Variants in ADGRL3 observed in about 807,000 individuals in gnomAD.
ADGRL3 encodes the protein adhesion G protein-coupled receptor L3.
ADGRL3 carries 62 observed loss-of-function variants against 153.5 expected under a neutral mutation model. The observed-to-expected ratio is 0.40, with a 90% CI of 0.33 to 0.50. ADGRL3 has a LOEUF of 0.50. Ranked by LOEUF, ADGRL3 falls within the 20% of genes least tolerant of loss-of-function variation. The pLI is 0.47. For missense variants in ADGRL3, 1,641 were observed against 1,859.4 expected (o/e 0.88, Z 2.16); for synonymous variants, 710 against 672.5 (o/e 1.06, Z -0.86).
At chr4:61,501,625 A>C (rs1341527569) in intron 3 of ADGRL3, among the ~76,000 whole-genome samples, 1 of 152,194 alleles carries the variant, frequency 6.6e-6, no homozygotes, top group Non-Finnish European at 1.5e-5. Flanking sequence ...CTCACTATGT[A>C]GGAATGTTTA....
chr4:61,500,085 G>A (rs2098369829), intron 3 of ADGRL3, among the ~76,000 whole-genome samples: 1 of 147,430 alleles, frequency 6.8e-6, no homozygotes, highest in Non-Finnish European at 1.5e-5. Flanking sequence ...GTAATTCTTA[G>A]AAGTATTAAA....
At chr4:61,725,114 G>C (rs1381028137) in intron 6 of ADGRL3, among the ~76,000 whole-genome samples, 8 of 152,108 alleles carry the variant, frequency 5.3e-5, no homozygotes, top group Non-Finnish European at 1.2e-4. Context: ...ATTAAGCTCT[G>C]TTTATGTGTT....
At chr4:62,024,881 G>T (rs1370699844) in intron 21 of ADGRL3, among the ~76,000 whole-genome samples, 2 of 136,392 alleles carry the variant, frequency 1.5e-5, no homozygotes, top group East Asian at 4.4e-4. Context: ...AGTGAGCCGA[G>T]ATTGTGCCAT....
At chr4:61,962,594 C>G (rs1174262204) in intron 17 of ADGRL3, among the ~76,000 whole-genome samples, 1 of 151,850 alleles carries the variant, frequency 6.6e-6, no homozygotes, top group Non-Finnish European at 1.5e-5. Context: ...ATTTTTTTCC[C>G]TCATGATTAG....
chr4:62,030,966 A>C (rs1225870906), intron 22 of ADGRL3, among the ~76,000 whole-genome samples: 1 of 151,544 alleles, frequency 6.6e-6, no homozygotes, highest in Admixed American at 6.6e-5. Flanking sequence ...AATACGAGTT[A>C]TATTTTTGTC....
chr4:61,745,856 A>T (rs867008061), intron 8 of ADGRL3, among the ~76,000 whole-genome samples: 1 of 152,152 alleles, frequency 6.6e-6, no homozygotes, highest in African/African-American at 2.4e-5. Context: ...TTCACACATA[A>T]CAATATTAAC....
chr4:62,029,602 T>G (rs1720848487), intron 22 of ADGRL3, among the ~76,000 whole-genome samples: 1 of 151,652 alleles, frequency 6.6e-6, no homozygotes, highest in African/African-American at 2.4e-5. Flanking sequence ...TGGGCAACCT[T>G]GCTATAGACT....
At position 61,360,829 on chromosome 4, in the gene ADGRL3, A is replaced by G. The variant is rs376191349; in HGVS notation, c.-239-22295A>G. 3.3e-5 allele frequency among the ~76,000 whole-genome samples: 5 copies of G among 152,180 alleles called. No homozygotes were observed. In the East Asian group the frequency reaches 9.6e-4, roughly 29 times the overall value. On this transcript the variant is annotated intron_variant, in intron 1 of 26. Coordinates refer to ENST00000683033, the MANE Select transcript of ADGRL3 (RefSeq NM_001387552.1). Reference sequence around the variant, plus strand: ...AATAGCCTTCCCCTAAAGCATGACAATGTCATATAAACAACAGCAATAATA... The same window carrying G: ...AATAGCCTTCCCCTAAAGCATGACAGTGTCATATAAACAACAGCAATAATA...
intron 6 of ADGRL3, among the ~76,000 whole-genome samples, chr4:61,723,362 C>T (rs771605034): frequency 9.9e-5 from 15 of 152,176 alleles, no homozygotes; most frequent in South Asian, 4.2e-4. Context: ...ATTAATGACA[C>T]GGACACACGT....
chr4:61,405,848 G>A (rs192764815), intron 2 of ADGRL3, among the ~76,000 whole-genome samples: 68 of 151,924 alleles, frequency 4.5e-4, no homozygotes, highest in African/African-American at 1.5e-3. Context: ...GAAAAAGAAC[G>A]CATTTTCTTC....
At chr4:61,681,686 G>T (rs1427086776) in intron 6 of ADGRL3, among the ~76,000 whole-genome samples, 1 of 151,886 alleles carries the variant, frequency 6.6e-6, no homozygotes, top group Non-Finnish European at 1.5e-5. Flanking sequence ...AAAGAAAAAT[G>T]TATTACACGT....
At chr4:61,590,162 A>T (rs2098963640) in intron 5 of ADGRL3, among the ~76,000 whole-genome samples, 1 of 152,140 alleles carries the variant, frequency 6.6e-6, no homozygotes. Context: ...TCATCTAAAC[A>T]TTAACAAACC....
chr4:61,584,839 C>T (rs1187485056), intron 4 of ADGRL3, among the ~76,000 whole-genome samples: 1 of 151,704 alleles, frequency 6.6e-6, no homozygotes, highest in Non-Finnish European at 1.5e-5. Context: ...TTCAATGATT[C>T]TATTATATAA....
At chr4:61,321,910 T>C (rs540041612) in intron 1 of ADGRL3, among the ~76,000 whole-genome samples, 1 of 152,226 alleles carries the variant, frequency 6.6e-6, no homozygotes, top group South Asian at 2.1e-4. Context: ...GATTAAATAG[T>C]CATCAGGTTG....
At chr4:61,251,867 C>A (rs112769493) in intron 1 of ADGRL3, among the ~76,000 whole-genome samples, 18,449 of 135,320 alleles carry the variant, frequency 0.14, 1,290 homozygotes, top group Middle Eastern at 0.2. Context: ...TCCTAAGATT[C>A]TTTTTTTTTT....
At chr4:61,378,681 TG>T (rs2096633152) in intron 1 of ADGRL3, among the ~76,000 whole-genome samples, 1 of 152,060 alleles carries the variant, frequency 6.6e-6, no homozygotes, top group African/African-American at 2.4e-5. Flanking sequence ...AAGTGGTGTT[TG>T]TAATACAAAA....
chr4:61,611,406 C>A (rs1396992273), intron 5 of ADGRL3, among the ~76,000 whole-genome samples: 1 of 151,942 alleles, frequency 6.6e-6, no homozygotes, highest in Non-Finnish European at 1.5e-5. Flanking sequence ...AAATAAAAAA[C>A]CTAGATTTTT....
At chr4:62,015,824 G>A (rs922988451) in intron 21 of ADGRL3, among the ~76,000 whole-genome samples, 2 of 150,978 alleles carry the variant, frequency 1.3e-5, no homozygotes, top group African/African-American at 4.9e-5. Context: ...CATTTTGAAT[G>A]CTTTTGCTAT....
chr4:61,965,793 A>G (rs1391538359), intron 17 of ADGRL3, among the ~76,000 whole-genome samples: 1 of 152,146 alleles, frequency 6.6e-6, no homozygotes, highest in Admixed American at 6.5e-5. Flanking sequence ...ATATGGCTAA[A>G]CTAAACCATT....
Sources: allele counts gnomAD v4.1 joint callset (sites outside exome capture counted in the v4.1 genomes callset), GRCh38; gene constraint gnomAD v4.1.1; transcripts MANE v1.5; gene names NCBI Gene and HGNC (gene_info 2026-07-23, HGNC 2026-07-21).